KIAA1671: variants seen among roughly 807,000 people sequenced by gnomAD.
The protein encoded by KIAA1671 is KIAA1671, also known as uncharacterized protein KIAA1671.
Under a neutral mutation model 131.2 loss-of-function variants are expected in KIAA1671, and 52 were observed. The observed-to-expected ratio is 0.40, with a 90% CI of 0.32 to 0.50. The LOEUF is 0.50. Among genes scored for constraint, KIAA1671 ranks in the 20% least tolerant of loss-of-function variants. KIAA1671 has a pLI of 0.73. For missense variants in KIAA1671, 2,360 were observed against 2,364.2 expected (o/e 1.00, Z 0.04); for synonymous variants, 1,003 against 961.6 (o/e 1.04, Z -0.80).
Position 25,028,624 on chromosome 22 carries a change from C to A in KIAA1671, c.625C>A (p.Gln209Lys). 6.4e-7 allele frequency: 1 copy of A among 1,551,138 alleles called. No individual in the cohort carries two copies. Among genetic ancestry groups the A allele is most frequent in the Non-Finnish European group, 8.7e-7 (1 of 1,146,962 alleles). The change falls in exon 3 of 13, where the codon CAA becomes AAA. Residue 209 changes from glutamine to lysine, a missense_variant. By Grantham distance (53) the Gln-to-Lys change is moderately conservative (BLOSUM62 1). This residue lies in a region of KIAA1671 where 1,185 missense variants were observed against 1,126.2 expected (regional missense o/e 1.05). Transcript: ENST00000358431. ...TCAGGACACAAAACCACCTGTACCC[C>A]AAGAGGAGGCAGGCCAAGACCATCC... ...LSQDTKPPVP[Q>K]EEAGQDHPPS...
intron 11 of KIAA1671, among the ~76,000 whole-genome samples, chr22:25,188,403 G>C (rs934841125): frequency 6.6e-6 from 1 of 151,552 alleles, no homozygotes; most frequent in Non-Finnish European, 1.5e-5. Context: ...ATGTCTTATG[G>C]GCATTGTATT....
At position 25,190,752 on chromosome 22, in the gene KIAA1671, G is replaced by T. The variant is rs2146054199; in HGVS notation, c.5393G>T (p.Arg1798Met). The change falls in exon 12 of 13, where the codon AGG becomes ATG. Residue 1798 changes from arginine (R) to methionine (M), a missense_variant. By Grantham distance (91) the Arg-to-Met change is moderately conservative (BLOSUM62 -1). Around this residue, in one of 3 missense-constraint regions of KIAA1671, gnomAD observed 1,161 missense variants for 1,204.7 expected, o/e 0.96. Transcript: ENST00000358431. Reference protein sequence around the residue: ...QWLKELKSKKRQSLYENQV With the variant: ...QWLKELKSKKMQSLYENQV ...CTAAAGGAATTGAAATCCAAGAAGAGGCAAAGTCTTTATGAGAACCAAGTT... is the reference window on the plus strand; with the variant it reads ...CTAAAGGAATTGAAATCCAAGAAGATGCAAAGTCTTTATGAGAACCAAGTT... The T allele has an allele frequency of 3.2e-6, 5 of 1,551,894 alleles. No individual in the cohort carries two copies. Among genetic ancestry groups the T allele is most frequent in the Non-Finnish European group, 3.5e-6 (4 of 1,146,952 alleles).
intron 10 of KIAA1671, 23 bp from the exon 11 acceptor site, chr22:25,184,954 A>G: frequency 6.4e-7 from 1 of 1,550,478 alleles, no homozygotes; most frequent in Non-Finnish European, 8.7e-7. Context: ...CAGCTTATAG[A>G]CTCAGCTCTC....
intron 6 of KIAA1671, chr22:25,102,788 G>A (rs1016717186): frequency 6.6e-6 from 1 of 152,238 alleles, no homozygotes; most frequent in Non-Finnish European, 1.5e-5. Flanking sequence ...TATCTCAGTT[G>A]TTTTTTTTGT....
chr22:24,969,521 C>T (rs1021282683), intron 1 of KIAA1671, among the ~76,000 whole-genome samples: 6 of 152,068 alleles, frequency 3.9e-5, no homozygotes, highest in African/African-American at 1.4e-4. Context: ...ATTTTTCATC[C>T]GAGCTTGGTT....
intron 6 of KIAA1671, among the ~76,000 whole-genome samples, chr22:25,075,740 T>A (rs1272260059): frequency 2.0e-5 from 3 of 150,646 alleles, no homozygotes; most frequent in Non-Finnish European, 4.4e-5. Flanking sequence ...GTGCCAGGAT[T>A]ACAGGCGTGA....
rs1311362726 is a variant in KIAA1671, at chr22:25,145,293, A to G, written c.4531-25527A>G. On this transcript the variant is annotated intron_variant, in intron 6 of 12. Coordinates refer to ENST00000358431, the MANE Select transcript of KIAA1671 (RefSeq NM_001145206.2). ...TGAGTTAAAAAGCCTCTGAAATAGC[A>G]GCATCAATGGCGTAGGAAAGCTGGA... is the stretch of plus-strand genomic sequence containing the variant. 2.0e-5 allele frequency among the ~76,000 whole-genome samples: 3 copies of G among 152,218 alleles called. No homozygotes were observed. The East Asian group carries it at 5.8e-4, about 29-fold the overall frequency.
chr22:25,113,878 T>C (rs1931518768), intron 6 of KIAA1671, among the ~76,000 whole-genome samples: 1 of 152,230 alleles, frequency 6.6e-6, no homozygotes, highest in South Asian at 2.1e-4. Flanking sequence ...CTCTGTGATG[T>C]GTCTTTCTGC....
In KIAA1671 at chr22:25,031,991, T is replaced by A. The variant is rs1016171281; in HGVS notation, c.1542-618T>A. Among the ~76,000 whole-genome samples the A allele has an allele frequency of 3.9e-5, 6 of 152,350 alleles. No individual in the cohort carries two copies. The South Asian group carries it at 1.2e-3, about 32-fold the overall frequency. On this transcript the variant is annotated intron_variant, in intron 3 of 12. Transcript: ENST00000358431. ...TTCAGGTATTTACACCAGAATGCTC[T>A]CCAGAGATGGAAAGATTCTAGCTCC... is the stretch of plus-strand genomic sequence containing the variant.
chr22:25,140,225 C>T (rs912821523), intron 6 of KIAA1671, among the ~76,000 whole-genome samples: 1 of 152,222 alleles, frequency 6.6e-6, no homozygotes, highest in African/African-American at 2.4e-5. Context: ...ACTGACGGCC[C>T]TGGCCACTTG....
chr22:25,122,659 T>C (rs1931997107), intron 6 of KIAA1671, among the ~76,000 whole-genome samples: 1 of 152,172 alleles, frequency 6.6e-6, no homozygotes, highest in African/African-American at 2.4e-5. Context: ...TTGCCTGTCC[T>C]GTATCAGTAG....
intron 6 of KIAA1671, among the ~76,000 whole-genome samples, chr22:25,067,274 T>G (rs1169919182): frequency 7.0e-6 from 1 of 143,344 alleles, no homozygotes; most frequent in African/African-American, 2.5e-5. Context: ...GTCTTGGACC[T>G]TTGAACGTCT....
At chr22:25,190,911 A>C in intron 12 of KIAA1671, 127 bp downstream of exon 12, 3 of 629,438 alleles carry the variant, frequency 4.8e-6, no homozygotes, top group Non-Finnish European at 8.5e-6. Context: ...TAAGGGGAAG[A>C]ATGAGGGGTG....
At position 25,040,042 on chromosome 22, in the gene KIAA1671, A is replaced by G. The variant is rs1272942796; in HGVS notation, c.2912A>G (p.His971Arg). ...FSSLVPEDSP[H>R]VGHRRTDYVS... ...TCTCTTGTCCCAGAGGACTCTCCAC[A>G]TGTGGGGCACAGACGAACAGATTAT... The change falls in exon 5 of 13, where the codon CAT becomes CGT. Residue 971 changes from histidine (H) to arginine (R), a missense_variant. Physicochemically the swap from His to Arg is conservative, Grantham distance 29 (BLOSUM62 0). Around this residue, in one of 3 missense-constraint regions of KIAA1671, gnomAD observed 1,161 missense variants for 1,204.7 expected, o/e 0.96. Transcript: ENST00000358431. 2.6e-6 allele frequency: 4 copies of G among 1,551,696 alleles called. No homozygotes were observed. The highest frequency in any genetic ancestry group is 1.4e-5 in the African/African-American group (1 of 73,170).
chr22:25,113,797 T>C (rs1931514903), intron 6 of KIAA1671, among the ~76,000 whole-genome samples: 1 of 152,252 alleles, frequency 6.6e-6, no homozygotes, highest in Non-Finnish European at 1.5e-5. Flanking sequence ...CCCCAACCTC[T>C]GGAAGGTGTG....
intron 4 of KIAA1671, among the ~76,000 whole-genome samples, chr22:25,035,283 G>T (rs1926527426): frequency 6.6e-6 from 1 of 152,160 alleles, no homozygotes; most frequent in African/African-American, 2.4e-5. Flanking sequence ...CTGACCTCAG[G>T]TGATCTGCCT....
At chr22:25,170,165 G>A (rs968720363) in intron 6 of KIAA1671, among the ~76,000 whole-genome samples, 8 of 152,040 alleles carry the variant, frequency 5.3e-5, no homozygotes, top group East Asian at 1.9e-4. Context: ...CGCCCACCTC[G>A]GCCTCCCAAA....
rs1924202717 is a variant in KIAA1671 at position 24,997,533 on chromosome 22, G to A, written c.-207-28100G>A. Among the ~76,000 whole-genome samples the A allele has an allele frequency of 2.0e-5, 3 of 152,208 alleles. No individual in the cohort carries two copies. The South Asian group carries it at 6.2e-4, about 32-fold the overall frequency. On this transcript the variant is annotated intron_variant, in intron 1 of 12. Transcript: ENST00000358431. ...AGGAGCTGGGAGGGAAAGGGTGCTG[G>A]TATAGGGGTTGTTGGTGTTGAGAAC...
chr22:25,039,779 C>T lies in KIAA1671; in HGVS notation c.2649C>T (p.Pro883=). 12 of 1,503,980 alleles carry T rather than the reference C, an allele frequency of 8.0e-6. No homozygotes were observed. The highest frequency in any genetic ancestry group is 4.3e-5 in the Admixed American group (2 of 46,128). 93.2% of individuals were successfully genotyped at this position (1,503,980 alleles called of 1,614,324 possible). The change falls in exon 5 of 13, where the codon CCC becomes CCT. Residue 883 remains proline (P), a synonymous_variant. Transcript: ENST00000358431. Reference sequence around the variant, plus strand: ...CAAGGGGCCCACCCCAGGGATGCCCCCTCGATCCTCTTTCCAGGGCTACGA... The same window carrying T: ...CAAGGGGCCCACCCCAGGGATGCCCTCTCGATCCTCTTTCCAGGGCTACGA... ...VGARGPPQGC[P]LDPLSRATNG...
Sources: allele counts gnomAD v4.1 joint callset (sites outside exome capture counted in the v4.1 genomes callset), GRCh38; gene constraint gnomAD v4.1.1; regional missense constraint gnomAD v4.1.1; transcripts MANE v1.5; gene names NCBI Gene and HGNC (gene_info 2026-07-23, HGNC 2026-07-21).